The following FAM13A variants were observed in gnomAD, a reference collection of about 807,000 sequenced individuals.
FAM13A encodes protein FAM13A.
In FAM13A, 76 loss-of-function variants were observed where a neutral mutation model predicts 129.6. The ratio of observed to expected loss-of-function variants is 0.59; its 90% confidence interval spans 0.49 to 0.71. FAM13A has a LOEUF of 0.71. Ranked by LOEUF, FAM13A falls within the 30% of genes least tolerant of loss-of-function variation. The pLI, the probability that FAM13A is intolerant of heterozygous loss-of-function variation, is 0.00. For synonymous variants in FAM13A, 443 were observed against 449.9 expected (o/e 0.98, Z 0.20); for missense variants, 1,108 against 1,249.3 (o/e 0.89, Z 1.70).
intron 6 of FAM13A, among the ~76,000 whole-genome samples, chr4:88,882,600 G>GAA (rs61001135): frequency 0.014 from 1,928 of 137,138 alleles, 16 homozygotes; most frequent in Non-Finnish European, 0.023. Context: ...AAACACAATG[G>GAA]AAAAAAAAAA....
At chr4:89,017,821 C>T (rs1051525621) in intron 3 of FAM13A, among the ~76,000 whole-genome samples, 3 of 152,022 alleles carry the variant, frequency 2.0e-5, no homozygotes, top group South Asian at 2.1e-4. Context: ...TCATACATAT[C>T]GTGAAAAAGT....
chr4:88,981,246 A>G (rs10470886), intron 4 of FAM13A, among the ~76,000 whole-genome samples: 78,833 of 151,876 alleles, frequency 0.52, 20,557 homozygotes, highest in Middle Eastern at 0.62. Context: ...AATTAAAGAC[A>G]TACATGTTAT....
intron 5 of FAM13A, among the ~76,000 whole-genome samples, chr4:88,908,122 G>T (rs1167770341): frequency 3.3e-5 from 5 of 152,130 alleles, no homozygotes; most frequent in Non-Finnish European, 7.3e-5. Flanking sequence ...AGTACCAAAG[G>T]GTACATTTCA....
Position 89,022,440 on chromosome 4 carries a change from G to C in FAM13A, c.218-1771C>G, listed in dbSNP as rs138734837. ...GTGAAGAAAATCAATATCAAAAGTT[G>C]ATATGAATTTTAGCTCCAATTCTGA... On this transcript the variant is annotated intron_variant, in intron 2 of 23. Coordinates refer to ENST00000264344, the MANE Select transcript of FAM13A (RefSeq NM_014883.4). 6.2e-3 allele frequency among the ~76,000 whole-genome samples: 945 copies of C among 152,184 alleles called. 11 individuals carry two copies. The highest frequency in any genetic ancestry group is 0.022 in the African/African-American group (897 of 41,512).
At chr4:88,909,727 C>T (rs563373347) in intron 5 of FAM13A, among the ~76,000 whole-genome samples, 2 of 152,108 alleles carry the variant, frequency 1.3e-5, no homozygotes, top group East Asian at 1.9e-4. Context: ...CCTTGTGATC[C>T]GCCCACCCTG....
chr4:88,839,406 G>A (rs964651812), intron 7 of FAM13A, among the ~76,000 whole-genome samples: 1 of 152,196 alleles, frequency 6.6e-6, no homozygotes, highest in African/African-American at 2.4e-5. Context: ...AGAGTGTATA[G>A]AGGAGCAAAT....
chr4:88,740,514 G>A (rs1740009196), intron 19 of FAM13A, among the ~76,000 whole-genome samples: 1 of 152,180 alleles, frequency 6.6e-6, no homozygotes, highest in African/African-American at 2.4e-5. Flanking sequence ...TTACTTAAAT[G>A]GGGAATGAGA....
chr4:88,854,785 A>C (rs1223260890), intron 6 of FAM13A, among the ~76,000 whole-genome samples: 1 of 152,226 alleles, frequency 6.6e-6, no homozygotes, highest in African/African-American at 2.4e-5. Context: ...TAATTGTGGC[A>C]TTTTTAAGGT....
chr4:88,758,277 C>T (rs962103345), intron 14 of FAM13A, among the ~76,000 whole-genome samples: 1 of 151,836 alleles, frequency 6.6e-6, no homozygotes, highest in Non-Finnish European at 1.5e-5. Flanking sequence ...AATTTGTTAA[C>T]CTGAAAAAAA....
At chr4:88,856,258 T>C (rs935930172) in intron 6 of FAM13A, among the ~76,000 whole-genome samples, 3 of 151,882 alleles carry the variant, frequency 2.0e-5, no homozygotes, top group African/African-American at 4.8e-5. Context: ...GATGGGGGGA[T>C]TGCTTGAGAC....
In FAM13A at chr4:88,993,229, T is replaced by TA. The variant is rs1400427959; in HGVS notation, c.428-2080dup. ...AATGAAATAATTAAGTTGGAGTGATTAAGAACTAATTGGAGATACCCATTT... is the reference window on the plus strand; with the variant it reads ...AATGAAATAATTAAGTTGGAGTGATTAAAGAACTAATTGGAGATACCCATTT... On this transcript the variant is annotated intron_variant, in intron 3 of 23. Coordinates refer to ENST00000264344, the MANE Select transcript of FAM13A (RefSeq NM_014883.4). 5.3e-5 allele frequency among the ~76,000 whole-genome samples: 8 copies of TA among 152,352 alleles called. No homozygotes were observed. In the East Asian group the frequency reaches 1.5e-3, roughly 29 times the overall value.
chr4:88,918,620 T>C (rs1750499729), intron 5 of FAM13A, among the ~76,000 whole-genome samples: 1 of 152,228 alleles, frequency 6.6e-6, no homozygotes, highest in Non-Finnish European at 1.5e-5. Flanking sequence ...CAAATAATCT[T>C]TTGTGTACAG....
chr4:89,007,001 A>G (rs1765134212), intron 3 of FAM13A, among the ~76,000 whole-genome samples: 1 of 152,134 alleles, frequency 6.6e-6, no homozygotes, highest in South Asian at 2.1e-4. Flanking sequence ...GATAGACCAG[A>G]AAGTAACATT....
At chr4:89,050,875 CTGAGA>C (rs1313512891) in intron 1 of FAM13A, among the ~76,000 whole-genome samples, 2 of 152,086 alleles carry the variant, frequency 1.3e-5, no homozygotes, top group African/African-American at 2.4e-5. Flanking sequence ...TTAGAGTGAG[CTGAGA>C]TAATACTACT....
chr4:89,047,574 T>G (rs1771025040), intron 1 of FAM13A, among the ~76,000 whole-genome samples: 1 of 152,166 alleles, frequency 6.6e-6, no homozygotes, highest in Non-Finnish European at 1.5e-5. Context: ...CATTTATTCA[T>G]GAATGGGAGA....
intron 4 of FAM13A, among the ~76,000 whole-genome samples, chr4:88,948,889 A>G (rs1756429610): frequency 6.6e-6 from 1 of 152,238 alleles, no homozygotes; most frequent in Non-Finnish European, 1.5e-5. Flanking sequence ...GTACTTCAGG[A>G]AAACTAACTC....
At chr4:89,046,047 TA>T (rs1055424576) in intron 1 of FAM13A, among the ~76,000 whole-genome samples, 1 of 138,592 alleles carries the variant, frequency 7.2e-6, no homozygotes, top group Non-Finnish European at 1.6e-5. Context: ...AAAGAAAAAA[TA>T]AAAAAAATTA....
chr4:88,977,400 T>A (rs1029296180), intron 4 of FAM13A, among the ~76,000 whole-genome samples: 1 of 151,652 alleles, frequency 6.6e-6, no homozygotes, highest in African/African-American at 2.4e-5. Flanking sequence ...CAGAGAAGAG[T>A]TCACATATTC....
At chr4:88,835,672 AT>A (rs1198007134) in intron 7 of FAM13A, among the ~76,000 whole-genome samples, 1 of 152,026 alleles carries the variant, frequency 6.6e-6, no homozygotes, top group Non-Finnish European at 1.5e-5. Context: ...CAGGCATTAG[AT>A]TCTCACAAGG....
Sources: allele counts gnomAD v4.1 joint callset (sites outside exome capture counted in the v4.1 genomes callset), GRCh38; gene constraint gnomAD v4.1.1; transcripts MANE v1.5; gene names NCBI Gene and HGNC (gene_info 2026-07-23, HGNC 2026-07-21).